PGR: variants seen among roughly 807,000 people sequenced by gnomAD.
PGR encodes the protein nuclear receptor subfamily 3 group C member 3.
A neutral mutation model predicts 76.1 loss-of-function variants in PGR; 25 were observed. The ratio of observed to expected loss-of-function variants is 0.33; its 90% CI spans 0.24 to 0.46. The LOEUF is 0.46. PGR is among the 20% of genes least tolerant of loss of function. The pLI, the probability that PGR is intolerant of heterozygous loss-of-function variation, is 1.00. For synonymous variants in PGR, 579 were observed against 535.0 expected (o/e 1.08, Z -1.14); for missense variants, 1,172 against 1,225.3 (o/e 0.96, Z 0.65).
Position 101,051,576 on chromosome 11 carries a change from A to G in PGR, c.2213-8T>C, listed in dbSNP as rs1860089931. The G allele has an allele frequency of 3.0e-5, 48 of 1,589,832 alleles. No individual in the cohort carries two copies. The highest frequency in any genetic ancestry group is 4.1e-5 in the Non-Finnish European group (47 of 1,158,750). Reference sequence around the variant, plus strand: ...TATGTAAGTTTCGAAAACCTACAAAACAAATTTAAAAATACAGTGACCATA... The same window carrying G: ...TATGTAAGTTTCGAAAACCTACAAAGCAAATTTAAAAATACAGTGACCATA... On this transcript the variant is annotated splice_region_variant and splice_polypyrimidine_tract_variant and intron_variant, in intron 4 of 7. Coordinates refer to ENST00000325455, the MANE Select transcript of PGR (RefSeq NM_000926.4).
At chr11:101,097,902 G>A (rs142682016) in intron 2 of PGR, among the ~76,000 whole-genome samples, 37,422 of 150,714 alleles carry the variant, frequency 0.25, 5,736 homozygotes, top group Non-Finnish European at 0.35. Flanking sequence ...TCAGCCTCCC[G>A]AGTAGCTGGA....
chr11:101,034,802 A>G lies in PGR; in HGVS notation c.*4314T>C, dbSNP rs1164601902. The G allele has an allele frequency of 5.6e-6, 1 of 177,980 alleles. No homozygotes were observed. The highest frequency in any genetic ancestry group is 1.2e-5 in the Non-Finnish European group (1 of 82,836). 11.0% of individuals were successfully genotyped at this position (177,980 alleles called of 1,614,324 possible). ...GGATTATATTTTATAATATGGGTGAAGAGTCAGTTGTTTTACTGCTTTTTG... is the reference window on the plus strand; with the variant it reads ...GGATTATATTTTATAATATGGGTGAGGAGTCAGTTGTTTTACTGCTTTTTG... On this transcript the variant is annotated 3_prime_UTR_variant, in exon 8 of 8. Coordinates refer to ENST00000325455, the MANE Select transcript of PGR (RefSeq NM_000926.4).
chr11:101,085,795 A>G (rs1050604424), intron 3 of PGR, among the ~76,000 whole-genome samples: 2 of 152,142 alleles, frequency 1.3e-5, no homozygotes, highest in South Asian at 2.1e-4. Flanking sequence ...AATATGAAAG[A>G]TCCTTAGATA....
In PGR at chr11:101,127,955, G is replaced by A; in HGVS notation, c.1116C>T (p.Asp372=). 1.2e-6 allele frequency: 2 copies of A among 1,612,068 alleles called. No individual in the cohort carries two copies. Among genetic ancestry groups the A allele is most frequent in the Non-Finnish European group, 1.7e-6 (2 of 1,179,828 alleles). The part of the protein sequence containing the change: ...AYPPDAEPKD[D]AYPLYSDFQP... ...GGAAGTCGCTATAGAGAGGGTACGC[G>A]TCGTCCTTGGGCTCGGCGTCGGGCG... The change falls in exon 1 of 8, where the codon GAC becomes GAT. Residue 372 remains aspartate, a synonymous_variant. Coordinates refer to ENST00000325455, the MANE Select transcript of PGR (RefSeq NM_000926.4).
At position 101,046,292 on chromosome 11, in the gene PGR, A is replaced by ATTTT. The variant is rs540943297; in HGVS notation, c.2488+3633_2488+3636dup. ...AGGCACTTGCCACTACGCCTGGCTA[A>ATTTT]TTTTTTTTTTTTTTTTTTTTTTTTT... On this transcript the variant is annotated intron_variant, in intron 6 of 7. Coordinates refer to ENST00000325455, the MANE Select transcript of PGR (RefSeq NM_000926.4). 4.7e-4 allele frequency among the ~76,000 whole-genome samples: 31 copies of ATTTT among 66,288 alleles called. 1 individual carries two copies. The highest frequency in any genetic ancestry group is 1.6e-3 in the African/African-American group (21 of 13,334). The allele number at this position is 66,288 out of a possible 152,430, so 43.5% of individuals were successfully genotyped here. A position where few individuals can be genotyped will look rare whatever the true frequency, so the allele number is the denominator to read the frequency against.
At chr11:101,063,216 TTAAGAA>T (rs1281037894) in intron 3 of PGR, 1 of 152,794 alleles carries the variant, frequency 6.5e-6, no homozygotes, top group Non-Finnish European at 1.5e-5. Context: ...TTTTGTTCTT[TTAAGAA>T]TATGTTAAAA....
intron 2 of PGR, among the ~76,000 whole-genome samples, chr11:101,106,519 C>A (rs957705492): frequency 6.6e-6 from 1 of 152,120 alleles, no homozygotes; most frequent in African/African-American, 2.4e-5. Flanking sequence ...AATAAGATAC[C>A]ATCTCATGGC....
intron 4 of PGR, among the ~76,000 whole-genome samples, chr11:101,059,863 A>AAAAAAAAAAAAAAAAAAAAAAG (rs1565337616): frequency 7.1e-6 from 1 of 141,178 alleles, no homozygotes; most frequent in Non-Finnish European, 1.6e-5. Context: ...AAAAAAAAAG[A>AAAAAAAAAAAAAAAAAAAAAAG]AAAAAAAGAA....
At chr11:101,046,292 A>ATTTGTTTTTTTTTTTTTTTTTTTT (rs1859881007) in intron 6 of PGR, among the ~76,000 whole-genome samples, 1 of 66,288 alleles carries the variant, frequency 1.5e-5, no homozygotes, top group Non-Finnish European at 2.5e-5. Flanking sequence ...CGCCTGGCTA[A>ATTTGTTTTTTTTTTTTTTTTTTTT]TTTTTTTTTT....
At chr11:101,088,351 T>C (rs1861562614) in intron 3 of PGR, among the ~76,000 whole-genome samples, 1 of 152,224 alleles carries the variant, frequency 6.6e-6, no homozygotes, top group Admixed American at 6.5e-5. Context: ...TTTTTTCTTT[T>C]GAGACAGTCT....
intron 6 of PGR, among the ~76,000 whole-genome samples, chr11:101,045,665 TTGTGTGTG>T (rs5794091): frequency 0.027 from 4,004 of 149,222 alleles, 185 homozygotes; most frequent in African/African-American, 0.093. Context: ...CTATTCCATT[TTGTGTGTG>T]TGTGTGTGTG....
chr11:101,108,009 T>A (rs1264897732), intron 2 of PGR, among the ~76,000 whole-genome samples: 1 of 152,008 alleles, frequency 6.6e-6, no homozygotes, highest in Admixed American at 6.6e-5. Flanking sequence ...ATCCCAGCAC[T>A]TTGGGAGGCT....
chr11:101,064,347 A>C (rs933798499), intron 3 of PGR, among the ~76,000 whole-genome samples: 52 of 139,532 alleles, frequency 3.7e-4, no homozygotes, highest in South Asian at 1.4e-3. Context: ...AAAAAAAAAA[A>C]AAAAAAAAAA....
intron 3 of PGR, among the ~76,000 whole-genome samples, chr11:101,073,819 T>C (rs1861029662): frequency 6.6e-6 from 1 of 152,106 alleles, no homozygotes; most frequent in Non-Finnish European, 1.5e-5. Flanking sequence ...TAACAAGTTC[T>C]GAAATTGAGG....
In PGR at chr11:101,098,195, AAGGAAATAAAATATCTTTATT is replaced by A. The variant is rs1166297209; in HGVS notation, c.1790-6340_1790-6320del. On this transcript the variant is annotated intron_variant, in intron 2 of 7. Coordinates refer to ENST00000325455, the MANE Select transcript of PGR (RefSeq NM_000926.4). Reference sequence around the variant, plus strand: ...TTTTAGATGACAAAATTCCACTTTAAAGGAAATAAAATATCTTTATTAGGAAATAAAATATCTTTATTAGAA... The same window carrying A: ...TTTTAGATGACAAAATTCCACTTTAAAGGAAATAAAATATCTTTATTAGAA... 5.3e-5 allele frequency among the ~76,000 whole-genome samples: 8 copies of A among 152,248 alleles called. No individual in the cohort carries two copies. In the South Asian group the frequency reaches 8.3e-4, roughly 16 times the overall value.
At chr11:101,124,302 T>C (rs1183715373) in intron 2 of PGR, among the ~76,000 whole-genome samples, 2 of 152,180 alleles carry the variant, frequency 1.3e-5, no homozygotes, top group African/African-American at 4.8e-5. Context: ...AAAGCATTTG[T>C]ATTTTAGTTA....
chr11:101,075,975 C>G (rs562616345), intron 3 of PGR, among the ~76,000 whole-genome samples: 1 of 152,084 alleles, frequency 6.6e-6, no homozygotes, highest in Non-Finnish European at 1.5e-5. Context: ...TGGGTATGTA[C>G]CCAAAGGATT....
At position 101,047,395 on chromosome 11, in the gene PGR, T is replaced by C. The variant is rs566815255; in HGVS notation, c.2488+2534A>G. On this transcript the variant is annotated intron_variant, in intron 6 of 7. Transcript: ENST00000325455. ...GCTAATTACTGTATTATTAAATGTATTCCAGTTGACTCTCTGGGCCGGTTC... is the reference window on the plus strand; with the variant it reads ...GCTAATTACTGTATTATTAAATGTACTCCAGTTGACTCTCTGGGCCGGTTC... Among the ~76,000 whole-genome samples the C allele has an allele frequency of 3.3e-5, 5 of 152,314 alleles. No homozygotes were observed. The South Asian group carries it at 1.0e-3, about 32-fold the overall frequency.
At chr11:101,082,190 C>A (rs1185932516) in intron 3 of PGR, among the ~76,000 whole-genome samples, 1 of 152,156 alleles carries the variant, frequency 6.6e-6, no homozygotes, top group Non-Finnish European at 1.5e-5. Flanking sequence ...TTGCCTTCCA[C>A]CATGATTGTA....
Sources: allele counts gnomAD v4.1 joint callset (sites outside exome capture counted in the v4.1 genomes callset), GRCh38; gene constraint gnomAD v4.1.1; transcripts MANE v1.5; gene names NCBI Gene and HGNC (gene_info 2026-07-23, HGNC 2026-07-21).